Variants in GMDS observed in about 807,000 individuals in gnomAD.
The protein encoded by GMDS is GDP-mannose 4,6 dehydratase.
GMDS carries 20 observed loss-of-function variants against 49.9 expected under a neutral mutation model. The observed-to-expected ratio is 0.40, with a 90% CI of 0.28 to 0.58. The LOEUF (loss-of-function observed/expected upper bound fraction) is 0.58. Ranked by LOEUF, GMDS falls within the 20% of genes least tolerant of loss-of-function variation. The pLI is 0.42. For synonymous variants in GMDS, 177 were observed against 178.6 expected (o/e 0.99, Z 0.07); for missense variants, 362 against 481.4 (o/e 0.75, Z 2.32).
At chr6:1,772,849 T>C (rs142578017) in intron 7 of GMDS, among the ~76,000 whole-genome samples, 11 of 152,352 alleles carry the variant, frequency 7.2e-5, no homozygotes, top group Middle Eastern at 3.4e-3. Flanking sequence ...GAGAGTTTTA[T>C]TGAAAATACT....
At chr6:1,990,110 TA>T (rs1374435578) in intron 4 of GMDS, among the ~76,000 whole-genome samples, 3 of 152,036 alleles carry the variant, frequency 2.0e-5, no homozygotes, top group African/African-American at 7.2e-5. Flanking sequence ...TCTTGGCTAA[TA>T]CAGTGAAACC....
intron 7 of GMDS, among the ~76,000 whole-genome samples, chr6:1,887,487 G>A (rs1387185655): frequency 6.6e-6 from 1 of 152,142 alleles, no homozygotes; most frequent in Non-Finnish European, 1.5e-5. Flanking sequence ...CTATGAAGGT[G>A]AGAATGAGGT....
rs1165876315 is a variant in GMDS at position 2,245,499 on chromosome 6, G to A, written c.-77C>T. 3.8e-6 allele frequency: 3 copies of A among 783,372 alleles called. No individual in the cohort carries two copies. The highest frequency in any genetic ancestry group is 5.4e-6 in the Non-Finnish European group (3 of 551,076). 48.5% of individuals were successfully genotyped at this position (783,372 alleles called of 1,614,324 possible). A position where few individuals can be genotyped will look rare whatever the true frequency, so the allele number is the denominator to read the frequency against. On this transcript the variant is annotated 5_prime_UTR_variant, in exon 1 of 11. Transcript: ENST00000380815. The stretch of plus-strand genomic sequence containing the variant: ...GGCGCGGTGCCGGCAGGAACGCGGG[G>A]GTGTGCAGCACGAAGCGCCTCTCCA...
intron 9 of GMDS, among the ~76,000 whole-genome samples, chr6:1,712,420 A>G (rs1766005800): frequency 6.6e-6 from 1 of 152,244 alleles, no homozygotes; most frequent in African/African-American, 2.4e-5. Context: ...TTCTTATCTT[A>G]GCTCCTAATT....
chr6:1,944,669 CAAAAAAAAAAA>C (rs56229524), intron 6 of GMDS, among the ~76,000 whole-genome samples: 1 of 101,160 alleles, frequency 9.9e-6, no homozygotes, highest in Non-Finnish European at 1.9e-5. Context: ...GACTCCGTCT[CAAAAAAAAAAA>C]AAAAAAAAAA....
intron 9 of GMDS, among the ~76,000 whole-genome samples, chr6:1,680,624 T>G (rs759142714): frequency 6.6e-6 from 1 of 152,176 alleles, no homozygotes; most frequent in Non-Finnish European, 1.5e-5. Context: ...CTGAGGCCCT[T>G]TGAGATCCTC....
rs564646305 is a variant in GMDS, at chr6:1,649,395, T to C, written c.988-24855A>G. ...AAATTGAGGTCAGAATATCTGATAATTTCCCAACTCTAAATTTAACTCATG... is the reference window on the plus strand; with the variant it reads ...AAATTGAGGTCAGAATATCTGATAACTTCCCAACTCTAAATTTAACTCATG... On this transcript the variant is annotated intron_variant, in intron 9 of 10. Transcript: ENST00000380815. Among the ~76,000 whole-genome samples, 10 of 152,336 alleles carry C rather than the reference T, an allele frequency of 6.6e-5. No individual in the cohort carries two copies. In the East Asian group the frequency reaches 1.7e-3, roughly 26 times the overall value.
At chr6:2,059,479 C>T (rs542667651) in intron 4 of GMDS, among the ~76,000 whole-genome samples, 9 of 150,518 alleles carry the variant, frequency 6.0e-5, no homozygotes, top group South Asian at 4.2e-4. Context: ...GAGGCCGAGG[C>T]GGGTGGATCA....
chr6:1,886,355 C>A (rs1425123054), intron 7 of GMDS, among the ~76,000 whole-genome samples: 3 of 151,986 alleles, frequency 2.0e-5, no homozygotes, highest in Admixed American at 1.3e-4. Context: ...TGTGATAAAT[C>A]AAAAAATGTC....
At chr6:1,641,881 G>T (rs1763342499) in intron 9 of GMDS, among the ~76,000 whole-genome samples, 1 of 152,188 alleles carries the variant, frequency 6.6e-6, no homozygotes, top group South Asian at 2.1e-4. Context: ...TTCATGAAAG[G>T]TGAAGCGGAA....
At chr6:1,820,810 A>T (rs1355367998) in intron 7 of GMDS, among the ~76,000 whole-genome samples, 1 of 152,200 alleles carries the variant, frequency 6.6e-6, no homozygotes, top group Non-Finnish European at 1.5e-5. Flanking sequence ...ACAATGATGC[A>T]TTCCCCTAAA....
At chr6:2,052,660 G>T (rs139725522) in intron 4 of GMDS, among the ~76,000 whole-genome samples, 1 of 152,360 alleles carries the variant, frequency 6.6e-6, no homozygotes, top group African/African-American at 2.4e-5. Flanking sequence ...TCTAGACCAA[G>T]AGCATAGATT....
intron 9 of GMDS, among the ~76,000 whole-genome samples, chr6:1,721,908 A>T (rs565268790): frequency 6.6e-6 from 1 of 152,122 alleles, no homozygotes; most frequent in Non-Finnish European, 1.5e-5. Context: ...GAAAACCAAT[A>T]AAAAAATGAG....
chr6:1,706,814 T>C (rs1765756855), intron 9 of GMDS, among the ~76,000 whole-genome samples: 1 of 152,260 alleles, frequency 6.6e-6, no homozygotes, highest in African/African-American at 2.4e-5. Flanking sequence ...CTCCATAGTC[T>C]GAATGGACAC....
At chr6:2,187,671 C>G (rs1390406908) in intron 1 of GMDS, among the ~76,000 whole-genome samples, 1 of 152,204 alleles carries the variant, frequency 6.6e-6, no homozygotes, top group Non-Finnish European at 1.5e-5. Context: ...GATGACACAT[C>G]AAACGAGTAG....
intron 7 of GMDS, among the ~76,000 whole-genome samples, chr6:1,779,219 G>C (rs1197382851): frequency 6.6e-6 from 1 of 152,198 alleles, no homozygotes; most frequent in Non-Finnish European, 1.5e-5. Flanking sequence ...CTTCAGAGGA[G>C]GGTCTTTCAT....
chr6:2,217,031 G>A lies in GMDS; in HGVS notation c.102+28290C>T, dbSNP rs550292612. Among the ~76,000 whole-genome samples the A allele has an allele frequency of 2.6e-5, 4 of 152,182 alleles. No individual in the cohort carries two copies. The South Asian group carries it at 6.2e-4, about 24-fold the overall frequency. On this transcript the variant is annotated intron_variant, in intron 1 of 10. Transcript: ENST00000380815. ...ACCTCCCTGCCAGCCTCCCGCAGCCGCCCTGGCTTCAGCCGCCCACCTGGC... is the reference window on the plus strand; with the variant it reads ...ACCTCCCTGCCAGCCTCCCGCAGCCACCCTGGCTTCAGCCGCCCACCTGGC...
rs143005436 is a variant in GMDS, at chr6:1,960,668, A to G, written c.538+106T>C. The G allele has an allele frequency of 5.8e-6, 4 of 694,278 alleles. No individual in the cohort carries two copies. In the African/African-American group the frequency reaches 6.9e-5, roughly 12 times the overall value. The allele number at this position is 694,278 out of a possible 1,614,324, so 43.0% of individuals were successfully genotyped here. ...TACCTTAATGTTAACCTCACACCCA[A>G]ATGACTTCAGCTGTGAGACATGAAC... On this transcript the variant is annotated intron_variant, in intron 5 of 10. Coordinates refer to ENST00000380815, the MANE Select transcript of GMDS (RefSeq NM_001500.4).
intron 4 of GMDS, among the ~76,000 whole-genome samples, chr6:2,074,264 C>G (rs1007323931): frequency 6.6e-6 from 1 of 152,186 alleles, no homozygotes; most frequent in Non-Finnish European, 1.5e-5. Flanking sequence ...TTCCCTGACA[C>G]TTAGTGATCT....
Sources: allele counts gnomAD v4.1 joint callset (sites outside exome capture counted in the v4.1 genomes callset), GRCh38; gene constraint gnomAD v4.1.1; transcripts MANE v1.5; gene names NCBI Gene and HGNC (gene_info 2026-07-23, HGNC 2026-07-21).